The following CDC42EP4 variants were observed in gnomAD, a reference collection of about 807,000 sequenced individuals.
CDC42EP4 encodes the protein CDC42 effector protein 4.
A neutral mutation model predicts 5.6 loss-of-function variants in CDC42EP4; 6 were observed. That is an observed-to-expected ratio of 1.07 (90% CI 0.59 to 2.12). The LOEUF (loss-of-function observed/expected upper bound fraction) is 2.12. Ranked by LOEUF, CDC42EP4 falls within the 30% of genes most tolerant of loss-of-function variation. The pLI, the probability that CDC42EP4 is intolerant of heterozygous loss-of-function variation, is 0.00. For missense variants in CDC42EP4, 490 were observed against 508.6 expected, an observed-to-expected ratio of 0.96 and a Z score of 0.35; for synonymous variants, 230 against 224.2, an observed-to-expected ratio of 1.03 and a Z score of -0.23.
At chr17:73,303,062 G>T (rs1036371235) in intron 1 of CDC42EP4, among the ~76,000 whole-genome samples, 6 of 114,664 alleles carry the variant, frequency 5.2e-5, no homozygotes, top group African/African-American at 2.2e-4. Context: ...AAAGATAATT[G>T]GCCAGGCGCG....
At position 73,286,199 on chromosome 17, in the gene CDC42EP4, T is replaced by C; in HGVS notation, c.302A>G (p.Asp101Gly). 1 of 1,614,162 alleles carries C rather than the reference T, an allele frequency of 6.2e-7. No homozygotes were observed. Residue 101 changes from aspartate to glycine, a missense_variant, in exon 2 of 2, where the codon GAC becomes GGC. By Grantham distance (94) the Asp-to-Gly change is moderately conservative. Coordinates refer to ENST00000335793, the MANE Select transcript of CDC42EP4 (RefSeq NM_012121.5). The surrounding 1 kb of genome is among the most constrained non-coding windows in gnomAD (Gnocchi z 7.7). ...CGAGTCCCGCAGGGAGCCCAGCATGTCACGCTGCTCCCGCTCCCCCCTGGT... is the reference window on the plus strand; with the variant it reads ...CGAGTCCCGCAGGGAGCCCAGCATGCCACGCTGCTCCCGCTCCCCCCTGGT... Reference protein sequence around the residue: ...SVTRGEREQRDMLGSLRDSAL... With the variant: ...SVTRGEREQRGMLGSLRDSAL...
At chr17:73,308,768 T>A (rs2062257366) in intron 1 of CDC42EP4, among the ~76,000 whole-genome samples, 1 of 151,610 alleles carries the variant, frequency 6.6e-6, no homozygotes, top group Non-Finnish European at 1.5e-5. Flanking sequence ...GGTGCAGTGG[T>A]TTACGCCTGT....
chr17:73,291,808 C>T (rs1350791756), intron 1 of CDC42EP4, among the ~76,000 whole-genome samples: 1 of 152,194 alleles, frequency 6.6e-6, no homozygotes, highest in Non-Finnish European at 1.5e-5. Flanking sequence ...GATTCCTCTA[C>T]CCTCAGCCCA....
At chr17:73,308,438 C>T (rs556156568) in intron 1 of CDC42EP4, among the ~76,000 whole-genome samples, 2 of 152,190 alleles carry the variant, frequency 1.3e-5, no homozygotes, top group Admixed American at 1.3e-4. Flanking sequence ...TCCCTCCCCC[C>T]ACAGGGACAA....
In CDC42EP4 at chr17:73,284,502, G is replaced by A. The variant is rs193055416; in HGVS notation, c.*928C>T. On this transcript the variant is annotated 3_prime_UTR_variant, in exon 2 of 2. Transcript: ENST00000335793. ...GTTGGGAAGCACTAAAGTTGAGCTG[G>A]TGTCTTTGCCACGGATGTCCCCAGA... is the stretch of plus-strand genomic sequence containing the variant. 1 of 152,244 alleles carries A rather than the reference G, an allele frequency of 6.6e-6. No individual in the cohort carries two copies. The highest frequency in any genetic ancestry group is 2.4e-5 in the African/African-American group (1 of 41,538). The allele number at this position is 152,244 out of a possible 1,614,324, so 9.4% of individuals were successfully genotyped here.
intron 1 of CDC42EP4, among the ~76,000 whole-genome samples, chr17:73,291,363 G>T (rs765176958): frequency 6.6e-6 from 1 of 152,210 alleles, no homozygotes; most frequent in Non-Finnish European, 1.5e-5. Context: ...GGTGTCTGGA[G>T]CTCAGACTAG....
Position 73,285,641 on chromosome 17 carries a change from G to A in CDC42EP4, c.860C>T (p.Ala287Val). Residue 287 changes from alanine (A) to valine (V), a missense_variant, in exon 2 of 2, where the codon GCA (alanine) becomes GTA (valine). Coordinates refer to ENST00000335793, the MANE Select transcript of CDC42EP4 (RefSeq NM_012121.5). The surrounding 1 kb of genome is among the most constrained non-coding windows in gnomAD (Gnocchi z 6.8). ...PSHALEDEGW[A>V]AAAPSPGSAR... ...TGAGCCGGGGCTGGGGGCCGCTGCT[G>A]CCCACCCCTCATCCTCCAGAGCATG... 1 of 1,596,054 alleles carries A rather than the reference G, an allele frequency of 6.3e-7. No individual in the cohort carries two copies. The highest frequency in any genetic ancestry group is 1.1e-5 in the South Asian group (1 of 89,970).
intron 1 of CDC42EP4, among the ~76,000 whole-genome samples, chr17:73,303,616 C>G (rs1394357629): frequency 6.8e-6 from 1 of 148,062 alleles, no homozygotes; most frequent in Non-Finnish European, 1.5e-5. Context: ...GAGATGAGAT[C>G]ATGCCTCTGC....
Position 73,286,206 on chromosome 17 carries a change from G to T in CDC42EP4, c.295C>A (p.Gln99Lys), listed in dbSNP as rs779106202. The change falls in exon 2 of 2, where the codon CAG becomes AAG. Residue 99 changes from glutamine (Q) to lysine (K), a missense_variant. Gln to Lys is a moderately conservative substitution (Grantham distance 53, BLOSUM62 1). Transcript: ENST00000335793. The surrounding 1 kb of genome is among the most constrained non-coding windows in gnomAD (Gnocchi z 7.7). Reference protein sequence around the residue: ...SQSVTRGEREQRDMLGSLRDS... With the variant: ...SQSVTRGEREKRDMLGSLRDS... ...CGCAGGGAGCCCAGCATGTCACGCT[G>T]CTCCCGCTCCCCCCTGGTCACCGAC... The T allele has an allele frequency of 6.2e-7, 1 of 1,614,170 alleles. No individual in the cohort carries two copies. Among genetic ancestry groups the T allele is most frequent in the Non-Finnish European group, 8.5e-7 (1 of 1,180,038 alleles).
chr17:73,297,406 G>A (rs1049077907), intron 1 of CDC42EP4, among the ~76,000 whole-genome samples: 4 of 151,910 alleles, frequency 2.6e-5, no homozygotes, highest in Admixed American at 2.6e-4. Flanking sequence ...CCCGGGAGGC[G>A]GAGGTTGCAG....
intron 1 of CDC42EP4, among the ~76,000 whole-genome samples, chr17:73,294,351 CA>C (rs11077677): frequency 0.96 from 146,177 of 151,750 alleles, 70,637 homozygotes; most frequent in Non-Finnish European, 1. Context: ...GATTCTGTCT[CA>C]AAAAAAAACA....
At chr17:73,295,669 G>A (rs1415820289) in intron 1 of CDC42EP4, among the ~76,000 whole-genome samples, 1 of 152,100 alleles carries the variant, frequency 6.6e-6, no homozygotes, top group African/African-American at 2.4e-5. Flanking sequence ...TTGGGAGGCT[G>A]AGGTAGGTGG....
chr17:73,290,734 C>T (rs770159342), intron 1 of CDC42EP4, among the ~76,000 whole-genome samples: 6 of 152,168 alleles, frequency 3.9e-5, no homozygotes, highest in African/African-American at 1.2e-4. Flanking sequence ...TGGTCAGAAC[C>T]GGGTGAGAAC....
Position 73,306,330 on chromosome 17 carries a change from T to TAAA in CDC42EP4, c.-113+5560_-113+5562dup, listed in dbSNP as rs56874446. Among the ~76,000 whole-genome samples the TAAA allele has an allele frequency of 5.1e-3, 686 of 133,830 alleles. 5 individuals carry two copies. Among genetic ancestry groups the TAAA allele is most frequent in the African/African-American group, 0.018 (646 of 35,970 alleles). The allele number at this position is 133,830 out of a possible 152,430, so 87.8% of individuals were successfully genotyped here. A position where few individuals can be genotyped will look rare whatever the true frequency, so the allele number is the denominator to read the frequency against. ...GGGCAGCACAGTGAGACCCTGTCTC[T>TAAA]AAAAAAAAAAAAAAAAATTAAATTA... On this transcript the variant is annotated intron_variant, in intron 1 of 1. Transcript: ENST00000335793.
rs556560462 is a variant in CDC42EP4, at chr17:73,311,934, C to A, written c.-154G>T. ...CCGAGCTCTGGGCCGGCTGCGCTGT[C>A]CCCTTCGTGGGCTCCGCGCGGCGGA... On this transcript the variant is annotated 5_prime_UTR_variant, in exon 1 of 2. Transcript: ENST00000335793. The A allele has an allele frequency of 1.1e-3, 170 of 152,336 alleles. 2 individuals carry two copies. The highest frequency in any genetic ancestry group is 3.8e-3 in the African/African-American group (159 of 41,586). 9.4% of individuals were successfully genotyped at this position (152,336 alleles called of 1,614,324 possible). A position where few individuals can be genotyped will look rare whatever the true frequency, so the allele number is the denominator to read the frequency against.
chr17:73,289,861 A>C (rs1360476447), intron 1 of CDC42EP4, among the ~76,000 whole-genome samples: 2 of 152,004 alleles, frequency 1.3e-5, no homozygotes, highest in Non-Finnish European at 2.9e-5. Context: ...AGAAGAAAGG[A>C]AGAAAGGAAA....
chr17:73,294,639 G>A (rs935391773), intron 1 of CDC42EP4, among the ~76,000 whole-genome samples: 4 of 151,304 alleles, frequency 2.6e-5, no homozygotes, highest in African/African-American at 9.7e-5. Context: ...TGTAATTTGT[G>A]TATATACATA....
chr17:73,306,815 C>A (rs144387254), intron 1 of CDC42EP4: 83 of 152,382 alleles, frequency 5.4e-4, no homozygotes, highest in African/African-American at 1.9e-3. Context: ...AAAGAGAAGC[C>A]AGCACACAGA....
At chr17:73,300,058 T>G (rs1243700411) in intron 1 of CDC42EP4, among the ~76,000 whole-genome samples, 2 of 152,202 alleles carry the variant, frequency 1.3e-5, no homozygotes, top group Non-Finnish European at 2.9e-5. Flanking sequence ...CTCCATCTTG[T>G]GTTCCTTGGT....
Sources: allele counts gnomAD v4.1 joint callset (sites outside exome capture counted in the v4.1 genomes callset), GRCh38; gene constraint gnomAD v4.1.1; non-coding constraint Gnocchi (gnomAD v3.1); transcripts MANE v1.5; gene names NCBI Gene and HGNC (gene_info 2026-07-23, HGNC 2026-07-21).